Variants in ARVCF observed in about 807,000 individuals in gnomAD.
The protein encoded by ARVCF is ARVCF delta catenin family member, also known as splicing regulator ARVCF.
Under a neutral mutation model 90.9 loss-of-function variants are expected in ARVCF, and 66 were observed. The ratio of observed to expected loss-of-function variants is 0.73; its 90% CI spans 0.60 to 0.89. The LOEUF (loss-of-function observed/expected upper bound fraction) is 0.89. ARVCF is among the 40% of genes least tolerant of loss of function. ARVCF has a pLI of 0.00. For missense variants in ARVCF, 1,469 were observed against 1,382.3 expected (o/e 1.06, Z -1.00); for synonymous variants, 653 against 603.4 (o/e 1.08, Z -1.21).
At chr22:20,002,689 T>A (rs1035854654) in intron 2 of ARVCF, among the ~76,000 whole-genome samples, 5 of 152,200 alleles carry the variant, frequency 3.3e-5, no homozygotes, top group Non-Finnish European at 7.3e-5. Context: ...AGGGATCCTG[T>A]GCTTGCACTG....
At chr22:19,987,861 C>T (rs1943878088) in intron 3 of ARVCF, among the ~76,000 whole-genome samples, 1 of 152,170 alleles carries the variant, frequency 6.6e-6, no homozygotes, top group Admixed American at 6.5e-5. Flanking sequence ...AATGCACCCC[C>T]ACTGCTCCCC....
At chr22:19,980,374 G>T in intron 5 of ARVCF, 132 bp from the exon 6 acceptor site, 1 of 1,322,794 alleles carries the variant, frequency 7.6e-7, no homozygotes, top group Non-Finnish European at 9.8e-7. Context: ...CTGTATCTTG[G>T]CCCGGAGCAT....
chr22:19,987,644 G>T (rs1392233012), intron 3 of ARVCF, among the ~76,000 whole-genome samples: 2 of 152,084 alleles, frequency 1.3e-5, no homozygotes. Context: ...CACCTGCCAT[G>T]AAATGGGGGC....
intron 7 of ARVCF, among the ~76,000 whole-genome samples, chr22:19,978,444 CA>C (rs1460535381): frequency 7.9e-5 from 12 of 152,218 alleles, no homozygotes; most frequent in African/African-American, 2.7e-4. Flanking sequence ...CACCTTACCC[CA>C]AGGTCAAGAG....
At chr22:19,981,113 C>T in intron 5 of ARVCF, 98 bp downstream of exon 5, 1 of 1,399,314 alleles carries the variant, frequency 7.1e-7, no homozygotes, top group African/African-American at 1.5e-5. Context: ...GCATGACTAA[C>T]TCAACTGCGC....
chr22:19,997,171 C>G (rs1216903051), intron 2 of ARVCF, among the ~76,000 whole-genome samples: 3 of 152,054 alleles, frequency 2.0e-5, no homozygotes, highest in Non-Finnish European at 4.4e-5. Flanking sequence ...CCGGTCAAGG[C>G]AGGGTCACTG....
intron 2 of ARVCF, among the ~76,000 whole-genome samples, chr22:20,001,870 A>G (rs1944457570): frequency 6.6e-6 from 1 of 152,244 alleles, no homozygotes; most frequent in East Asian, 1.9e-4. Context: ...AAATCCCAGC[A>G]GAGGCAGTAA....
At position 19,972,647 on chromosome 22, in the gene ARVCF, C is replaced by G. The variant is rs572954360; in HGVS notation, c.2641+90G>C. On this transcript the variant is annotated intron_variant, in intron 16 of 19. Transcript: ENST00000263207. Reference sequence around the variant, plus strand: ...CTATGGAAGCCGTCTCAGTGGGAGGCCTGACTCCTCCTTCACCTTCACCCA... The same window carrying G: ...CTATGGAAGCCGTCTCAGTGGGAGGGCTGACTCCTCCTTCACCTTCACCCA... 3 of 1,386,458 alleles carry G rather than the reference C, an allele frequency of 2.2e-6. No homozygotes were observed. The African/African-American group carries it at 4.4e-5, about 20-fold the overall frequency. 85.9% of individuals were successfully genotyped at this position (1,386,458 alleles called of 1,614,324 possible).
intron 2 of ARVCF, among the ~76,000 whole-genome samples, chr22:20,006,145 T>C (rs548233031): frequency 5.8e-4 from 89 of 152,284 alleles, no homozygotes; most frequent in Admixed American, 3.9e-4. Context: ...GTTTCTATTT[T>C]GCAAGAATAA....
chr22:19,971,789 G>C (rs1444688509), intron 18 of ARVCF, 97 bp downstream of exon 18: 31 of 1,334,674 alleles, frequency 2.3e-5, no homozygotes, highest in Middle Eastern at 1.9e-4. Flanking sequence ...TGTACCCCAG[G>C]GCCCAGACCA....
rs756697230 is a variant in ARVCF, at chr22:19,981,308, T to C, written c.799A>G (p.Ser267Gly). ...EPYGLEDDTR[S>G]LAADDEGGPE... ...CCACCCTCGTCATCAGCGGCCAGGC[T>C]GCGCGTGTCATCCTCCAAGCCATAC... Residue 267 changes from serine (S) to glycine (G), a missense_variant, in exon 5 of 20, where the codon AGC (serine) becomes GGC (glycine). Ser to Gly is a moderately conservative substitution (Grantham distance 56). Coordinates refer to ENST00000263207, the MANE Select transcript of ARVCF (RefSeq NM_001670.3). 4 of 1,597,042 alleles carry C rather than the reference T, an allele frequency of 2.5e-6. No individual in the cohort carries two copies. The highest frequency in any genetic ancestry group is 2.3e-5 in the East Asian group (1 of 43,732).
At chr22:19,981,185 G>A (rs1943471752) in intron 5 of ARVCF, 26 bp downstream of exon 5, 4 of 1,493,692 alleles carry the variant, frequency 2.7e-6, no homozygotes, top group African/African-American at 2.8e-5. Context: ...AGAGGAGGTA[G>A]CCACAGGGGA....
At chr22:19,976,788 C>G (rs887573656) in intron 9 of ARVCF, 65 bp from the exon 10 acceptor site, 19 of 1,534,978 alleles carry the variant, frequency 1.2e-5, no homozygotes, top group Middle Eastern at 1.7e-4. Context: ...TCATCACCCC[C>G]CCATGCCCTC....
intron 6 of ARVCF, 145 bp from the exon 7 acceptor site, chr22:19,979,225 C>A: frequency 1.1e-6 from 1 of 875,550 alleles, no homozygotes; most frequent in Non-Finnish European, 1.7e-6. Flanking sequence ...GTGAGTGGTT[C>A]CGGGGGACAC....
chr22:19,973,541 G>A lies in ARVCF; in HGVS notation c.2239+102C>T, dbSNP rs1226313303. Reference sequence around the variant, plus strand: ...ACAGCGCCCAAGCGAGAGGGCCGGGGCCTGGACTCCCAAACCACTCATCCT... The same window carrying A: ...ACAGCGCCCAAGCGAGAGGGCCGGGACCTGGACTCCCAAACCACTCATCCT... On this transcript the variant is annotated intron_variant, in intron 13 of 19. Transcript: ENST00000263207. 6.0e-6 allele frequency: 9 copies of A among 1,505,754 alleles called. No individual in the cohort carries two copies. In the Admixed American group the frequency reaches 8.1e-5, roughly 14 times the overall value. 93.3% of individuals were successfully genotyped at this position (1,505,754 alleles called of 1,614,324 possible). A position where few individuals can be genotyped will look rare whatever the true frequency, so the allele number is the denominator to read the frequency against.
At position 19,981,275 on chromosome 22, in the gene ARVCF, G is replaced by A. The variant is rs1298543502; in HGVS notation, c.832C>T (p.Leu278=). 1.3e-6 allele frequency: 2 copies of A among 1,574,658 alleles called. No homozygotes were observed. The highest frequency in any genetic ancestry group is 1.4e-5 in the African/African-American group (1 of 73,868). The stretch of plus-strand genomic sequence containing the variant: ...GTGGCCGTGCCATAGTCAGGCTCCA[G>A]CTCAGGGCCACCCTCGTCATCAGCG... ...LAADDEGGPE[L]EPDYGTATRR... is the part of the protein sequence containing the mutation. Residue 278 remains leucine, a synonymous_variant, in exon 5 of 20, where the codon CTG becomes TTG. Transcript: ENST00000263207.
chr22:20,015,753 T>C (rs918268951), intron 1 of ARVCF, among the ~76,000 whole-genome samples: 1 of 152,112 alleles, frequency 6.6e-6, no homozygotes, highest in Non-Finnish European at 1.5e-5. Flanking sequence ...CTCTAAAAAA[T>C]ACCCACGGGG....
Position 19,972,809 on chromosome 22 carries a change from T to C in ARVCF, c.2569A>G (p.Lys857Glu), listed in dbSNP as rs1942895168. Residue 857 changes from lysine to glutamate, a missense_variant, in exon 16 of 20, where the codon AAG (lysine) becomes GAG (glutamate). Lys to Glu is a moderately conservative substitution (Grantham distance 56, BLOSUM62 1). Transcript: ENST00000263207. ...GGACTCAGTGCTCCCTTAGGCCCCT[T>C]GGCAGTAGCAGCAGCTGACTGAGAC... Reference protein sequence around the residue: ...ARFQSAAATAKGPKGALSPGG... With the variant: ...ARFQSAAATAEGPKGALSPGG... The C allele has an allele frequency of 6.2e-7, 1 of 1,613,382 alleles. No individual in the cohort carries two copies. The highest frequency in any genetic ancestry group is 1.3e-5 in the African/African-American group (1 of 74,884).
Position 19,990,751 on chromosome 22 carries a change from G to C in ARVCF, c.44C>G (p.Ser15Trp). ...GAAGCGGGCCTCCTGCTCCTTCACCGAGGCCAGGATGCTGGCGGCCGAGTG... is the reference window on the plus strand; with the variant it reads ...GAAGCGGGCCTCCTGCTCCTTCACCCAGGCCAGGATGCTGGCGGCCGAGTG... ...NVHSAASILA[S>W]VKEQEARFER... The change falls in exon 3 of 20, where the codon TCG becomes TGG. Residue 15 changes from serine to tryptophan, a missense_variant. Ser to Trp is a radical substitution (Grantham distance 177). Coordinates refer to ENST00000263207, the MANE Select transcript of ARVCF (RefSeq NM_001670.3). 1 of 1,588,888 alleles carries C rather than the reference G, an allele frequency of 6.3e-7. No individual in the cohort carries two copies. The highest frequency in any genetic ancestry group is 1.3e-5 in the African/African-American group (1 of 74,526).
Sources: gnomAD v4.1 joint callset for allele counts (sites outside exome capture counted in the v4.1 genomes callset) on GRCh38, gnomAD v4.1.1 for gene constraint, MANE v1.5 for transcripts, NCBI Gene and HGNC (gene_info 2026-07-23, HGNC 2026-07-21) for gene names.